The following ITGAE variants were observed in gnomAD, a reference collection of about 807,000 sequenced individuals.
ITGAE encodes integrin subunit alpha E, also known as integrin alpha-E.
A neutral mutation model predicts 136.5 loss-of-function variants in ITGAE; 99 were observed. The observed-to-expected ratio is 0.73, with a 90% CI of 0.62 to 0.86. The LOEUF (loss-of-function observed/expected upper bound fraction) is 0.86. Ranked by LOEUF, ITGAE falls within the 40% of genes least tolerant of loss-of-function variation. ITGAE has a pLI of 0.00. For missense variants in ITGAE, 1,447 were observed against 1,515.3 expected, an observed-to-expected ratio of 0.95 and a Z score of 0.75; for synonymous variants, 613 against 591.8, an observed-to-expected ratio of 1.04 and a Z score of -0.52.
At chr17:3,720,881 C>G (rs2051036442) in intron 28 of ITGAE, among the ~76,000 whole-genome samples, 1 of 152,144 alleles carries the variant, frequency 6.6e-6, no homozygotes, top group Non-Finnish European at 1.5e-5. Flanking sequence ...CCGCGCCTGG[C>G]CTTTTCTTCA....
intron 13 of ITGAE, 128 bp from the exon 14 acceptor site, chr17:3,753,558 G>A (rs1476376631): frequency 1.4e-5 from 18 of 1,256,064 alleles, no homozygotes; most frequent in Non-Finnish European, 2.0e-5. Flanking sequence ...TGCTCACTGA[G>A]AGTAACAGAA....
At chr17:3,757,238 G>T in intron 9 of ITGAE, 104 bp from the exon 10 acceptor site, 1 of 1,337,612 alleles carries the variant, frequency 7.5e-7, no homozygotes, top group Non-Finnish European at 1.0e-6. Flanking sequence ...TCCATTACCT[G>T]TCTCCTTCCT....
chr17:3,724,043 G>A (rs1209375228), intron 26 of ITGAE: 4 of 1,595,708 alleles, frequency 2.5e-6, no homozygotes, highest in Non-Finnish European at 3.4e-6. Context: ...AGTGGTTCCC[G>A]CCGCAGGACC....
In ITGAE at chr17:3,757,078, T is replaced by C. The variant is rs2143038801; in HGVS notation, c.1077A>G (p.Ser359=). ...TGAAAGCATGGGTCTCATCCGGGTC[T>C]GAGGCGATCAGGTTCAGTTCCCTCG... The part of the protein sequence containing the change: ...RTARELNLIA[S]DPDETHAFKV... The change falls in exon 10 of 31, where the codon TCA becomes TCG. Residue 359 remains serine, a synonymous_variant. Coordinates refer to ENST00000263087, the MANE Select transcript of ITGAE (RefSeq NM_002208.5). 6.2e-7 allele frequency: 1 copy of C among 1,614,238 alleles called. No homozygotes were observed. The highest frequency in any genetic ancestry group is 8.5e-7 in the Non-Finnish European group (1 of 1,180,030).
At chr17:3,765,249 T>C (rs1267426977) in intron 2 of ITGAE, among the ~76,000 whole-genome samples, 1 of 144,522 alleles carries the variant, frequency 6.9e-6, no homozygotes, top group Non-Finnish European at 1.5e-5. Flanking sequence ...CTCGGGAGCC[T>C]GAGGCAGGAG....
intron 14 of ITGAE, 51 bp downstream of exon 14, chr17:3,753,239 A>C: frequency 6.3e-7 from 1 of 1,583,436 alleles, no homozygotes; most frequent in South Asian, 1.2e-5. Flanking sequence ...CCTCTGTGTC[A>C]GGCTGAGTGC....
intron 18 of ITGAE, among the ~76,000 whole-genome samples, chr17:3,745,140 T>A (rs1293559203): frequency 6.6e-6 from 1 of 152,184 alleles, no homozygotes; most frequent in East Asian, 1.9e-4. Flanking sequence ...CCTTTCTAGA[T>A]GGTCGTTTCT....
intron 10 of ITGAE, among the ~76,000 whole-genome samples, chr17:3,756,172 C>T (rs541043605): frequency 1.3e-4 from 19 of 149,102 alleles, no homozygotes; most frequent in Admixed American, 4.0e-4. Context: ...CTCAGTTCAT[C>T]AGAGCTTCAT....
intron 1 of ITGAE, among the ~76,000 whole-genome samples, chr17:3,778,963 G>A (rs1283520389): frequency 6.6e-6 from 1 of 151,632 alleles, no homozygotes; most frequent in Non-Finnish European, 1.5e-5. Flanking sequence ...TTCAAACAGA[G>A]CACAGCAGAT....
intron 26 of ITGAE, chr17:3,724,998 C>A (rs150339790): frequency 1.2e-6 from 2 of 1,614,160 alleles, no homozygotes; most frequent in Non-Finnish European, 1.7e-6. Flanking sequence ...CCATTCCCAC[C>A]GCTTTAAAAA....
chr17:3,748,096 C>T, intron 16 of ITGAE, 44 bp from the exon 17 acceptor site: 1 of 1,589,576 alleles, frequency 6.3e-7, no homozygotes, highest in Non-Finnish European at 8.6e-7. Flanking sequence ...ACTGCTCAGC[C>T]TCTGGGTCAG....
At chr17:3,722,979 A>G (rs1301324773) in intron 28 of ITGAE, among the ~76,000 whole-genome samples, 7 of 152,210 alleles carry the variant, frequency 4.6e-5, no homozygotes, top group Non-Finnish European at 1.0e-4. Flanking sequence ...ACGGCAGTGG[A>G]AATGGAGAGA....
rs758425435 is a variant in ITGAE at position 3,726,926 on chromosome 17, C to T, written c.3084+993G>A. Among the ~76,000 whole-genome samples, 65 of 152,050 alleles carry T rather than the reference C, an allele frequency of 4.3e-4. No individual in the cohort carries two copies. The Middle Eastern group carries it at 0.01, about 24-fold the overall frequency. Reference sequence around the variant, plus strand: ...ATTTTTTTAGTAGAGATGGGGGTTTCACCATGTTGGCCAGGCTGGTCTCGA... The same window carrying T: ...ATTTTTTTAGTAGAGATGGGGGTTTTACCATGTTGGCCAGGCTGGTCTCGA... On this transcript the variant is annotated intron_variant, in intron 26 of 30. Transcript: ENST00000263087.
rs1294964223 is a variant in ITGAE, at chr17:3,755,016, C to G, written c.1384+101G>C. The G allele has an allele frequency of 3.9e-6, 5 of 1,291,578 alleles. No individual in the cohort carries two copies. The East Asian group carries it at 1.4e-4, about 37-fold the overall frequency. The allele number at this position is 1,291,578 out of a possible 1,614,324, so 80.0% of individuals were successfully genotyped here. ...CCCACCCTCGCCCAGGTAGGCCCCG[C>G]CCTCGCCCACGTAGCCCTCAGGCCC... On this transcript the variant is annotated intron_variant, in intron 12 of 30. Coordinates refer to ENST00000263087, the MANE Select transcript of ITGAE (RefSeq NM_002208.5).
In ITGAE at chr17:3,748,004, G is replaced by T; in HGVS notation, c.2073C>A (p.Ser691Arg). 1.2e-6 allele frequency: 2 copies of T among 1,613,122 alleles called. No homozygotes were observed. The highest frequency in any genetic ancestry group is 1.7e-6 in the Non-Finnish European group (2 of 1,179,362). The change falls in exon 17 of 31, where the codon AGC becomes AGA. Residue 691 changes from serine (S) to arginine (R), a missense_variant. Around this residue, in one of 3 missense-constraint regions of ITGAE, gnomAD observed 1,031 missense variants for 1,011.4 expected, o/e 1.02. Transcript: ENST00000263087. Reference protein sequence around the residue: ...RLKVSMAFTPSALPIGFNGVV... With the variant: ...RLKVSMAFTPRALPIGFNGVV... ...CGCCGTTGAAGCCGATGGGCAGTGC[G>T]CTGGGGGTGAAGGCCATGGAGACCT...
intron 1 of ITGAE, among the ~76,000 whole-genome samples, chr17:3,789,621 C>A (rs1407571409): frequency 3.3e-5 from 5 of 152,092 alleles, no homozygotes; most frequent in African/African-American, 1.2e-4. Context: ...CTGCCTCAAC[C>A]TCCCCTGTAG....
intron 1 of ITGAE, among the ~76,000 whole-genome samples, chr17:3,793,713 T>C (rs573528489): frequency 3.0e-4 from 46 of 152,282 alleles, no homozygotes; most frequent in African/African-American, 9.9e-4. Flanking sequence ...CACTCCTGGC[T>C]AATTTTTGTA....
intron 29 of ITGAE, among the ~76,000 whole-genome samples, chr17:3,719,072 A>C (rs1196006992): frequency 8.4e-6 from 1 of 119,742 alleles, no homozygotes; most frequent in East Asian, 1.9e-4. Flanking sequence ...TCTCTATTTA[A>C]AAAAAATAAA....
At chr17:3,734,132 G>C (rs532160998) in intron 21 of ITGAE, among the ~76,000 whole-genome samples, 1 of 152,120 alleles carries the variant, frequency 6.6e-6, no homozygotes, top group African/African-American at 2.4e-5. Flanking sequence ...GTGCAGTGGC[G>C]CAATCTCGGC....
Sources: allele counts gnomAD v4.1 joint callset (sites outside exome capture counted in the v4.1 genomes callset), GRCh38; gene constraint gnomAD v4.1.1; regional missense constraint gnomAD v4.1.1; transcripts MANE v1.5; gene names NCBI Gene and HGNC (gene_info 2026-07-23, HGNC 2026-07-21).